The following TMEM232 variants were observed in gnomAD, a reference collection of about 807,000 sequenced individuals.
TMEM232 encodes transmembrane protein 232.
A neutral mutation model predicts 78.8 loss-of-function variants in TMEM232; 80 were observed. The ratio of observed to expected loss-of-function variants is 1.01; its 90% CI spans 0.85 to 1.22. The LOEUF (loss-of-function observed/expected upper bound fraction) is 1.22. Among genes scored for constraint, TMEM232 ranks in the 50% most tolerant of loss-of-function variants. The probability of loss-of-function intolerance (pLI) is 0.00; values close to 1 mark genes in which losing one functional copy is unlikely to be tolerated. For synonymous variants in TMEM232, 297 were observed against 254.3 expected, an observed-to-expected ratio of 1.17 and a Z score of -1.60; for missense variants, 881 against 742.2, an observed-to-expected ratio of 1.19 and a Z score of -2.17.
chr5:110,480,254 T>A (rs1763716853), intron 12 of TMEM232, among the ~76,000 whole-genome samples: 1 of 151,956 alleles, frequency 6.6e-6, no homozygotes, highest in Non-Finnish European at 1.5e-5. Flanking sequence ...CTTCAGAGAT[T>A]AAGAAAAAAT....
At chr5:110,481,206 A>T (rs1763822027) in intron 12 of TMEM232, among the ~76,000 whole-genome samples, 1 of 152,154 alleles carries the variant, frequency 6.6e-6, no homozygotes, top group Non-Finnish European at 1.5e-5. Flanking sequence ...ATTCATTATG[A>T]TGTTAAAATT....
chr5:110,718,817 C>G (rs545982696), intron 1 of TMEM232, among the ~76,000 whole-genome samples: 1 of 151,928 alleles, frequency 6.6e-6, no homozygotes, highest in Admixed American at 6.6e-5. Flanking sequence ...TTTGGATGCA[C>G]TCAACTCTAT....
downstream of TMEM232, chr5:110,417,618 C>CTTTTT (rs1181888424): frequency 2.9e-3 from 341 of 119,172 alleles, no homozygotes; most frequent in African/African-American, 4.6e-3. Flanking sequence ...TTTTCTTTTT[C>CTTTTT]TTTTTTTTTT....
At chr5:110,489,221 T>C in intron 12 of TMEM232, among the ~76,000 whole-genome samples, 1 of 151,862 alleles carries the variant, frequency 6.6e-6, no homozygotes. Flanking sequence ...TAACTAATTT[T>C]TCAAAAGATC....
downstream of TMEM232, among the ~76,000 whole-genome samples, chr5:110,416,078 C>T (rs1162712737): frequency 6.6e-6 from 1 of 152,088 alleles, no homozygotes; most frequent in African/African-American, 2.4e-5. Context: ...CTTAAGTCAT[C>T]AACAGAATTT....
intron 10 of TMEM232, among the ~76,000 whole-genome samples, chr5:110,588,217 T>C: frequency 6.6e-6 from 1 of 152,136 alleles, no homozygotes. Flanking sequence ...GTGACATATA[T>C]TTCATTCACT....
At chr5:110,729,931 C>A (rs1798518106), upstream of TMEM232, among the ~76,000 whole-genome samples, 1 of 152,164 alleles carries the variant, frequency 6.6e-6, no homozygotes, top group African/African-American at 2.4e-5. Flanking sequence ...AGAAGCCTTC[C>A]AACGCAATGA....
intron 12 of TMEM232, among the ~76,000 whole-genome samples, chr5:110,523,965 A>AG (rs1554098551): frequency 0.018 from 189 of 10,512 alleles, 1 homozygote; most frequent in Non-Finnish European, 0.032. Flanking sequence ...AAAAAAAAAA[A>AG]AGGGGGGGGG....
downstream of TMEM232, among the ~76,000 whole-genome samples, chr5:110,418,403 T>G (rs1561466810): frequency 6.6e-6 from 1 of 152,174 alleles, no homozygotes; most frequent in Non-Finnish European, 1.5e-5. Flanking sequence ...CCACAGTCTT[T>G]GCTAATATTG....
intron 13 of TMEM232, among the ~76,000 whole-genome samples, chr5:110,422,754 CCTT>C (rs956238213): frequency 2.2e-4 from 33 of 152,098 alleles, no homozygotes; most frequent in African/African-American, 7.5e-4. Context: ...ACATCAAAAT[CCTT>C]CTTTTCATTA....
At chr5:110,486,733 T>C (rs1453850307) in intron 12 of TMEM232, among the ~76,000 whole-genome samples, 1 of 152,184 alleles carries the variant, frequency 6.6e-6, no homozygotes, top group Non-Finnish European at 1.5e-5. Flanking sequence ...TAGTATAGTT[T>C]GAAATCAGGT....
intron 11 of TMEM232, among the ~76,000 whole-genome samples, chr5:110,559,777 G>A (rs1238082315): frequency 6.6e-6 from 1 of 152,158 alleles, no homozygotes; most frequent in Non-Finnish European, 1.5e-5. Context: ...ACAGTTCTGA[G>A]GTTAGGAGTC....
chr5:110,435,858 G>A lies in TMEM232; in HGVS notation c.1704-10942C>T, dbSNP rs536116420. On this transcript the variant is annotated intron_variant, in intron 12 of 13. Transcript: ENST00000455884. ...TGATATTTTCTTTATCCACTCATCT[G>A]TTGATGGACACTTGGGTTGCTTCTA... 2.0e-5 allele frequency among the ~76,000 whole-genome samples: 3 copies of A among 152,078 alleles called. 1 individual carries two copies. In the South Asian group the frequency reaches 6.2e-4, roughly 32 times the overall value.
At chr5:110,520,538 A>G (rs1026457433) in intron 12 of TMEM232, among the ~76,000 whole-genome samples, 1 of 152,216 alleles carries the variant, frequency 6.6e-6, no homozygotes, top group Non-Finnish European at 1.5e-5. Flanking sequence ...ATCTAACAGG[A>G]CACTATTAGA....
At chr5:110,591,921 A>C (rs1336391866) in intron 10 of TMEM232, among the ~76,000 whole-genome samples, 3 of 152,180 alleles carry the variant, frequency 2.0e-5, no homozygotes, top group Non-Finnish European at 4.4e-5. Flanking sequence ...ATTTTGAAAA[A>C]GCCCACACAG....
intron 1 of TMEM232, among the ~76,000 whole-genome samples, chr5:110,710,402 A>T (rs1427527765): frequency 1.3e-5 from 2 of 152,162 alleles, no homozygotes; most frequent in Non-Finnish European, 2.9e-5. Context: ...CTATGAGGCC[A>T]GTATTACTCT....
At chr5:110,644,186 G>T (rs1787131295) in intron 2 of TMEM232, among the ~76,000 whole-genome samples, 1 of 151,702 alleles carries the variant, frequency 6.6e-6, no homozygotes, top group African/African-American at 2.4e-5. Flanking sequence ...TTCCATTCTT[G>T]CTTTTGAAGA....
chr5:110,638,641 G>C (rs60539740), intron 4 of TMEM232, among the ~76,000 whole-genome samples: 1 of 151,988 alleles, frequency 6.6e-6, no homozygotes, highest in Non-Finnish European at 1.5e-5. Flanking sequence ...GCTTCCACCT[G>C]GATCTCTCTC....
intron 7 of TMEM232, among the ~76,000 whole-genome samples, chr5:110,623,010 AT>A: frequency 6.6e-6 from 1 of 151,638 alleles, no homozygotes; most frequent in African/African-American, 2.4e-5. Flanking sequence ...AAATAAATAA[AT>A]AAATAAATAA....
Sources: allele counts gnomAD v4.1 joint callset (sites outside exome capture counted in the v4.1 genomes callset), GRCh38; gene constraint gnomAD v4.1.1; transcripts MANE v1.5; gene names NCBI Gene and HGNC (gene_info 2026-07-23, HGNC 2026-07-21).